The following RIMS1 variants were observed in gnomAD, a reference collection of about 807,000 sequenced individuals.
RIMS1 encodes regulating synaptic membrane exocytosis 1.
Under a neutral mutation model 214.1 loss-of-function variants are expected in RIMS1, and 83 were observed. The ratio of observed to expected loss-of-function variants is 0.39; its 90% CI spans 0.32 to 0.47. The LOEUF is 0.47. RIMS1 is among the 20% of genes least tolerant of loss of function. RIMS1 has a pLI of 0.99. For missense variants in RIMS1, 2,050 were observed against 2,161.8 expected, an observed-to-expected ratio of 0.95 and a Z score of 1.03; for synonymous variants, 793 against 786.8, an observed-to-expected ratio of 1.01 and a Z score of -0.13.
At chr6:71,950,428 A>G (rs1295263882) in intron 1 of RIMS1, among the ~76,000 whole-genome samples, 1 of 152,208 alleles carries the variant, frequency 6.6e-6, no homozygotes, top group Non-Finnish European at 1.5e-5. Context: ...AACACCAGAA[A>G]CTAGTCAAGA....
intron 1 of RIMS1, among the ~76,000 whole-genome samples, chr6:71,904,856 T>C (rs1052915571): frequency 5.3e-5 from 8 of 152,170 alleles, no homozygotes; most frequent in Admixed American, 4.6e-4. Flanking sequence ...TGCAAATGCC[T>C]GTGAGGCAAT....
chr6:72,123,175 T>C (rs150598726), intron 4 of RIMS1, among the ~76,000 whole-genome samples: 2,521 of 152,004 alleles, frequency 0.017, 68 homozygotes, highest in African/African-American at 0.053. Context: ...TGTTGTGTCT[T>C]TGTTCTCGTT....
At chr6:71,985,640 C>G (rs1175440082) in intron 2 of RIMS1, among the ~76,000 whole-genome samples, 1 of 151,952 alleles carries the variant, frequency 6.6e-6, no homozygotes, top group African/African-American at 2.4e-5. Flanking sequence ...ATTGACAAAC[C>G]CTATAATTCA....
intron 4 of RIMS1, among the ~76,000 whole-genome samples, chr6:72,112,257 G>C (rs1449678618): frequency 6.6e-6 from 1 of 152,036 alleles, no homozygotes; most frequent in Non-Finnish European, 1.5e-5. Context: ...ACTGGTCCAA[G>C]ACACCATCTA....
intron 28 of RIMS1, among the ~76,000 whole-genome samples, chr6:72,328,741 G>A (rs2096566073): frequency 6.6e-6 from 1 of 151,440 alleles, no homozygotes; most frequent in South Asian, 2.1e-4. Flanking sequence ...ATTTTAAAGG[G>A]TTTTTCTTCT....
At position 72,083,751 on chromosome 6, in the gene RIMS1, T is replaced by A. The variant is rs568436492; in HGVS notation, c.246-13198T>A. Among the ~76,000 whole-genome samples, 3 of 152,306 alleles carry A rather than the reference T, an allele frequency of 2.0e-5. No individual in the cohort carries two copies. In the East Asian group the frequency reaches 5.8e-4, roughly 29 times the overall value. On this transcript the variant is annotated intron_variant, in intron 2 of 33. Transcript: ENST00000521978. ...AGCACTTTACATTGATTATCTCAAT[T>A]AACCCTCCCAATAATCTTACAAAGT...
intron 1 of RIMS1, among the ~76,000 whole-genome samples, chr6:71,955,420 G>A (rs938134445): frequency 6.6e-5 from 10 of 152,088 alleles, no homozygotes; most frequent in African/African-American, 2.4e-4. Flanking sequence ...TCCCATCTCA[G>A]CCTCCCAAAC....
Position 72,260,713 on chromosome 6 carries a change from T to C in RIMS1, c.3062T>C (p.Leu1021Pro), listed in dbSNP as rs534897607. Residue 1021 changes from leucine (L) to proline (P), a missense_variant, in exon 19 of 34, where the codon CTT becomes CCT. Physicochemically the swap from Leu to Pro is moderately conservative, Grantham distance 98. Around this residue, in one of 6 missense-constraint regions of RIMS1, gnomAD observed 889 missense variants for 885.5 expected, o/e 1.00. Transcript: ENST00000521978. ...QYLSEQDSEL[L>P]MLPRAKRGRS... The stretch of plus-strand genomic sequence containing the variant: ...CCATCCTGTCTGTGCAGTGAGCTTC[T>C]TATGCTGCCCAGAGCAAAACGAGGA... 5.0e-6 allele frequency: 8 copies of C among 1,612,488 alleles called. No homozygotes were observed. In the South Asian group the frequency reaches 8.8e-5, roughly 18 times the overall value.
chr6:72,126,575 G>GA (rs1308394428), intron 4 of RIMS1: 2 of 164,364 alleles, frequency 1.2e-5, no homozygotes, highest in African/African-American at 5.0e-5. Flanking sequence ...AAATCAACAA[G>GA]AAAAACAAAA....
chr6:72,369,247 A>T (rs1223195927), intron 29 of RIMS1, among the ~76,000 whole-genome samples: 1 of 151,878 alleles, frequency 6.6e-6, no homozygotes, highest in East Asian at 1.9e-4. Flanking sequence ...GAAGGGAGGA[A>T]CAGGTAGAGG....
intron 2 of RIMS1, among the ~76,000 whole-genome samples, chr6:72,009,206 A>G (rs1438320285): frequency 2.0e-5 from 3 of 152,294 alleles, no homozygotes; most frequent in Admixed American, 6.5e-5. Flanking sequence ...AAACTGAACA[A>G]CCTGCTCCTG....
At chr6:71,931,672 G>C (rs1783090181) in intron 1 of RIMS1, among the ~76,000 whole-genome samples, 2 of 151,806 alleles carry the variant, frequency 1.3e-5, no homozygotes, top group African/African-American at 2.4e-5. Flanking sequence ...ATAGTTTGCA[G>C]AAATTTTCTC....
chr6:72,159,129 T>C lies in RIMS1; in HGVS notation c.472-20446T>C, dbSNP rs1481054979. ...ATGGTATCTGACTGTGGTTTTGATT[T>C]GCATTTCTCTGATGGCCAGTGATGT... On this transcript the variant is annotated intron_variant, in intron 4 of 33. Transcript: ENST00000521978. Among the ~76,000 whole-genome samples the C allele has an allele frequency of 2.1e-5, 3 of 141,246 alleles. 1 individual carries two copies. Among genetic ancestry groups the C allele is most frequent in the Non-Finnish European group, 3.2e-5 (2 of 62,176 alleles). The allele number at this position is 141,246 out of a possible 152,430, so 92.7% of individuals were successfully genotyped here.
intron 2 of RIMS1, among the ~76,000 whole-genome samples, chr6:72,012,977 A>G (rs1315593866): frequency 6.6e-6 from 1 of 152,176 alleles, no homozygotes; most frequent in Admixed American, 6.5e-5. Flanking sequence ...TGGAATCAAG[A>G]CACCTGTGTT....
At chr6:72,368,199 A>G (rs1373814209) in intron 29 of RIMS1, among the ~76,000 whole-genome samples, 1 of 151,970 alleles carries the variant, frequency 6.6e-6, no homozygotes, top group Non-Finnish European at 1.5e-5. Flanking sequence ...GGCAGCAAGA[A>G]ATTATTTTTC....
intron 4 of RIMS1, among the ~76,000 whole-genome samples, chr6:72,112,294 A>G (rs370521829): frequency 3.3e-5 from 5 of 151,794 alleles, no homozygotes; most frequent in Non-Finnish European, 7.4e-5. Flanking sequence ...TGAACCCCTA[A>G]TTGGCCTTTC....
At chr6:72,231,534 A>T (rs545026845) in intron 6 of RIMS1, among the ~76,000 whole-genome samples, 1 of 151,806 alleles carries the variant, frequency 6.6e-6, no homozygotes, top group Non-Finnish European at 1.5e-5. Flanking sequence ...TTTAAGCTGC[A>T]ATATCTGTAG....
intron 1 of RIMS1, among the ~76,000 whole-genome samples, chr6:71,937,765 C>T (rs1198922479): frequency 6.6e-6 from 1 of 152,152 alleles, no homozygotes; most frequent in Non-Finnish European, 1.5e-5. Flanking sequence ...AATATTGTTT[C>T]AATGTCAGTT....
chr6:72,205,427 G>C (rs899249830), intron 6 of RIMS1, among the ~76,000 whole-genome samples: 9 of 152,132 alleles, frequency 5.9e-5, no homozygotes, highest in African/African-American at 2.2e-4. Context: ...GGGCTGCCAA[G>C]ACAGCTCTTT....
Sources: gnomAD v4.1 joint callset for allele counts (sites outside exome capture counted in the v4.1 genomes callset) on GRCh38, gnomAD v4.1.1 for gene constraint, gnomAD v4.1.1 regional missense constraint, MANE v1.5 for transcripts, NCBI Gene and HGNC (gene_info 2026-07-23, HGNC 2026-07-21) for gene names.